Variants in DHX32 observed in about 807,000 individuals in gnomAD.
The protein encoded by DHX32 is putative pre-mRNA-splicing factor ATP-dependent RNA helicase DHX32.
Under a neutral mutation model 70.0 loss-of-function variants are expected in DHX32, and 51 were observed. That is an observed-to-expected ratio of 0.73 (90% confidence interval 0.58 to 0.92). The LOEUF is 0.92. Ranked by LOEUF, DHX32 falls within the 40% of genes least tolerant of loss-of-function variation. The pLI is 0.00. For synonymous variants in DHX32, 310 were observed against 315.3 expected (o/e 0.98, Z 0.18); for missense variants, 762 against 891.8 (o/e 0.85, Z 1.85).
chr10:125,850,769 A>C (rs1195333088), intron 6 of DHX32, among the ~76,000 whole-genome samples: 1 of 152,208 alleles, frequency 6.6e-6, no homozygotes, highest in Non-Finnish European at 1.5e-5. Flanking sequence ...AGAATCATAG[A>C]TCATACCAAA....
At chr10:125,843,908 A>C (rs1854944990) in intron 6 of DHX32, among the ~76,000 whole-genome samples, 1 of 152,224 alleles carries the variant, frequency 6.6e-6, no homozygotes, top group Non-Finnish European at 1.5e-5. Flanking sequence ...GTACTGAAGC[A>C]AGGCTTTCAT....
chr10:125,857,512 C>A (rs1208607509), intron 3 of DHX32, among the ~76,000 whole-genome samples: 1 of 152,204 alleles, frequency 6.6e-6, no homozygotes, highest in Non-Finnish European at 1.5e-5. Context: ...ATGGCACTCT[C>A]ACTTTAAGAC....
At chr10:125,879,752 G>A (rs1944306367) in intron 1 of DHX32, among the ~76,000 whole-genome samples, 1 of 152,032 alleles carries the variant, frequency 6.6e-6, no homozygotes, top group African/African-American at 2.4e-5. Flanking sequence ...CCCAGGTTCA[G>A]GTGATTCTCT....
Position 125,892,113 on chromosome 10 carries a change from T to G in DHX32, c.-248+4105A>C, listed in dbSNP as rs555899052. 1.8e-4 allele frequency among the ~76,000 whole-genome samples: 27 copies of G among 152,192 alleles called. No individual in the cohort carries two copies. The East Asian group carries it at 2.1e-3, about 12-fold the overall frequency. ...CCACTTCTTAAACTCCTCAAAAAATTTTTTTCTTCTTTAGAGTTCAATGAA... is the reference window on the plus strand; with the variant it reads ...CCACTTCTTAAACTCCTCAAAAAATGTTTTTCTTCTTTAGAGTTCAATGAA... On this transcript the variant is annotated intron_variant, in intron 1 of 2. Transcript: ENST00000415732.
rs561144191 is a variant in DHX32, at chr10:125,865,441, A to G, written c.476+1549T>C. On this transcript the variant is annotated intron_variant, in intron 2 of 10. Coordinates refer to ENST00000284690, the MANE Select transcript of DHX32 (RefSeq NM_018180.3). ...GCTGATGGTCTAAAGACTTTCCCCT[A>G]TGATTTGACACTAGCCTGAAGACTG... 5.2e-5 allele frequency among the ~76,000 whole-genome samples: 8 copies of G among 152,384 alleles called. 1 individual carries two copies. In the South Asian group the frequency reaches 1.2e-3, roughly 24 times the overall value.
Position 125,842,010 on chromosome 10 carries a change from C to T in DHX32, c.1352-76G>A, listed in dbSNP as rs80006540. 2.8e-4 allele frequency: 395 copies of T among 1,430,208 alleles called. 2 individuals carry two copies. In the African/African-American group the frequency reaches 5.4e-3, roughly 20 times the overall value. The allele number at this position is 1,430,208 out of a possible 1,614,324, so 88.6% of individuals were successfully genotyped here. On this transcript the variant is annotated intron_variant, in intron 6 of 10. Transcript: ENST00000284690. ...AGAAACAGGTACTGGACTTTTCCCTCCTGCATGAAACAAGCAAACAATGGA... is the reference window on the plus strand; with the variant it reads ...AGAAACAGGTACTGGACTTTTCCCTTCTGCATGAAACAAGCAAACAATGGA...
intron 1 of DHX32, among the ~76,000 whole-genome samples, chr10:125,867,544 G>C (rs975410133): frequency 3.9e-5 from 6 of 152,124 alleles, no homozygotes; most frequent in African/African-American, 1.2e-4. Flanking sequence ...AGACCATCCT[G>C]GCTAACATGG....
Position 125,838,379 on chromosome 10 carries a change from C to A in DHX32, c.1890G>T (p.Arg630=). The part of the protein sequence containing the change: ...LLSGYFMQIA[R]DVDGSGNYLM... ...AGTAGTTACCTGATCCATCAACATC[C>A]CGAGCAATCTGAAAGGCAGAATTTT... The change falls in exon 10 of 11, where the codon CGG becomes CGT. Residue 630 remains arginine (R), a synonymous_variant. Coordinates refer to ENST00000284690, the MANE Select transcript of DHX32 (RefSeq NM_018180.3). 6.4e-7 allele frequency: 1 copy of A among 1,572,394 alleles called. No individual in the cohort carries two copies. Among genetic ancestry groups the A allele is most frequent in the Non-Finnish European group, 8.6e-7 (1 of 1,164,148 alleles).
chr10:125,848,621 C>G (rs1221904473), intron 6 of DHX32, among the ~76,000 whole-genome samples: 1 of 152,188 alleles, frequency 6.6e-6, no homozygotes, highest in African/African-American at 2.4e-5. Context: ...ATGGCTCTTC[C>G]TGGCTCCGGC....
chr10:125,852,067 C>T (rs1944097765), intron 6 of DHX32, among the ~76,000 whole-genome samples: 1 of 152,174 alleles, frequency 6.6e-6, no homozygotes, highest in African/African-American at 2.4e-5. Context: ...TGTCCAACAG[C>T]AGACACATTT....
rs1944164869 is a variant in DHX32 at position 125,858,938 on chromosome 10, C to G, written c.849+665G>C. 6.6e-5 allele frequency among the ~76,000 whole-genome samples: 10 copies of G among 150,474 alleles called. No homozygotes were observed. The South Asian group carries it at 2.1e-3, about 31-fold the overall frequency. ...AAATGGTACCTTGGCTGTCTAAAAG[C>G]AGTAACAGAATGGAAATGATGCTTG... On this transcript the variant is annotated intron_variant, in intron 3 of 10. Coordinates refer to ENST00000284690, the MANE Select transcript of DHX32 (RefSeq NM_018180.3).
chr10:125,879,210 G>A (rs149519124), intron 1 of DHX32, among the ~76,000 whole-genome samples: 1 of 151,606 alleles, frequency 6.6e-6, no homozygotes, highest in South Asian at 2.1e-4. Flanking sequence ...TTTTTATAAA[G>A]TTGGGATCTT....
chr10:125,861,445 C>A (rs368875719), intron 2 of DHX32, among the ~76,000 whole-genome samples: 1 of 152,072 alleles, frequency 6.6e-6, no homozygotes, highest in Non-Finnish European at 1.5e-5. Flanking sequence ...TGCAGTGAGC[C>A]GAGATTGCGC....
intron 8 of DHX32, among the ~76,000 whole-genome samples, chr10:125,840,632 C>T (rs530391027): frequency 1.3e-5 from 2 of 152,346 alleles, no homozygotes; most frequent in Admixed American, 6.5e-5. Context: ...AGTACAGGCC[C>T]GCCATGGTGG....
chr10:125,838,672 C>T (rs1320541719), intron 9 of DHX32, among the ~76,000 whole-genome samples: 1 of 152,126 alleles, frequency 6.6e-6, no homozygotes, highest in African/African-American at 2.4e-5. Context: ...TAGCACGCTA[C>T]CCACCATACT....
Position 125,864,575 on chromosome 10 carries a change from G to A in DHX32, c.476+2415C>T, listed in dbSNP as rs73381257. On this transcript the variant is annotated intron_variant, in intron 2 of 10. Transcript: ENST00000284690. ...GTGATAGATGTTTAAAAGGTGAGGCGTGTCTAACAGTATTATTAGATTTCC... is the reference window on the plus strand; with the variant it reads ...GTGATAGATGTTTAAAAGGTGAGGCATGTCTAACAGTATTATTAGATTTCC... 4.9e-3 allele frequency among the ~76,000 whole-genome samples: 740 copies of A among 152,214 alleles called. 7 individuals carry two copies. The highest frequency in any genetic ancestry group is 0.016 in the African/African-American group (675 of 41,514).
At chr10:125,854,928 T>C (rs2134048212) in intron 3 of DHX32, 1 of 152,254 alleles carries the variant, frequency 6.6e-6, no homozygotes, top group East Asian at 1.9e-4. Context: ...AAGGATTGTT[T>C]AGAAATTAAA....
At chr10:125,865,722 TCTCA>T (rs1944216700) in intron 2 of DHX32, among the ~76,000 whole-genome samples, 1 of 152,104 alleles carries the variant, frequency 6.6e-6, no homozygotes, top group South Asian at 2.1e-4. Context: ...AGAGATGAGA[TCTCA>T]CTGTGTTGCC....
chr10:125,872,719 G>C (rs1484752816), intron 1 of DHX32, among the ~76,000 whole-genome samples: 1 of 152,060 alleles, frequency 6.6e-6, no homozygotes, highest in Non-Finnish European at 1.5e-5. Context: ...CAGAGCAGTG[G>C]GGCCTGCCCT....
Sources: allele counts gnomAD v4.1 joint callset (sites outside exome capture counted in the v4.1 genomes callset), GRCh38; gene constraint gnomAD v4.1.1; transcripts MANE v1.5; gene names NCBI Gene and HGNC (gene_info 2026-07-23, HGNC 2026-07-21).